The following LINGO2 variants were observed in gnomAD, a reference collection of about 807,000 sequenced individuals.
LINGO2 encodes leucine rich repeat and Ig domain containing 2, also known as leucine-rich repeat and immunoglobulin-like domain-containing nogo receptor-interacting protein 2.
In LINGO2, 14 loss-of-function variants were observed where a neutral mutation model predicts 30.6. The ratio of observed to expected loss-of-function variants is 0.46; its 90% CI spans 0.30 to 0.72. LINGO2 has a LOEUF of 0.72. Ranked by LOEUF, LINGO2 falls within the 30% of genes least tolerant of loss-of-function variation. LINGO2 has a pLI of 0.07. For missense variants in LINGO2, 729 were observed against 751.7 expected, an observed-to-expected ratio of 0.97 and a Z score of 0.35; for synonymous variants, 317 against 288.5, an observed-to-expected ratio of 1.10 and a Z score of -1.00.
At chr9:28,029,495 T>G (rs968949980) in intron 4 of LINGO2, among the ~76,000 whole-genome samples, 5 of 152,154 alleles carry the variant, frequency 3.3e-5, no homozygotes, top group Admixed American at 2.6e-4. Flanking sequence ...CACTTTGATA[T>G]TGAGAGGCAG....
chr9:29,203,817 T>C, the LINGO2 span, among the ~76,000 whole-genome samples: 1 of 152,208 alleles, frequency 6.6e-6, no homozygotes, highest in South Asian at 2.1e-4. Flanking sequence ...TAGCTTCCTA[T>C]TTTGTCAAAC....
At chr9:28,305,631 A>C (rs977484251) in intron 3 of LINGO2, among the ~76,000 whole-genome samples, 3 of 152,094 alleles carry the variant, frequency 2.0e-5, no homozygotes. Context: ...AATTAAATGA[A>C]ATACATGGGG....
the LINGO2 span, among the ~76,000 whole-genome samples, chr9:28,793,278 T>A: frequency 6.6e-6 from 1 of 152,196 alleles, no homozygotes; most frequent in Non-Finnish European, 1.5e-5. Context: ...TGTATTTTAA[T>A]TGAATACAGC....
chr9:28,080,029 G>T (rs1825730438), intron 4 of LINGO2, among the ~76,000 whole-genome samples: 2 of 152,138 alleles, frequency 1.3e-5, no homozygotes, highest in Admixed American at 1.3e-4. Context: ...TACCTCCAAA[G>T]TAACTCTTGA....
chr9:29,204,634 C>G, the LINGO2 span, among the ~76,000 whole-genome samples: 1 of 152,290 alleles, frequency 6.6e-6, no homozygotes, highest in African/African-American at 2.4e-5. Flanking sequence ...TAAAGAACTA[C>G]AACATTTCAC....
At chr9:29,114,197 C>A in the LINGO2 span, among the ~76,000 whole-genome samples, 3 of 151,086 alleles carry the variant, frequency 2.0e-5, no homozygotes, top group African/African-American at 4.9e-5. Context: ...TTAAGCAAAG[C>A]AATATATTTA....
Position 28,197,179 on chromosome 9 carries a change from C to T in LINGO2, c.-87+98029G>A, listed in dbSNP as rs189993548. ...ATCACATGTAGCCCATGAATACATA[C>T]AACTAGTATGTATCCATTATAATTA... On this transcript the variant is annotated intron_variant, in intron 4 of 5. Transcript: ENST00000379992. Among the ~76,000 whole-genome samples, 528 of 151,982 alleles carry T rather than the reference C, an allele frequency of 3.5e-3. 3 individuals are homozygous for T. Among genetic ancestry groups the T allele is most frequent in the African/African-American group, 0.012 (511 of 41,498 alleles).
chr9:28,630,375 T>C (rs1826881534), intron 1 of LINGO2, among the ~76,000 whole-genome samples: 1 of 152,232 alleles, frequency 6.6e-6, no homozygotes, highest in Admixed American at 6.5e-5. Flanking sequence ...TGCTAATTAG[T>C]CCTAACTAAT....
intron 2 of LINGO2, among the ~76,000 whole-genome samples, chr9:28,419,517 T>C (rs1481209834): frequency 6.6e-6 from 1 of 151,862 alleles, no homozygotes; most frequent in African/African-American, 2.4e-5. Flanking sequence ...GTCCATCTTG[T>C]CCTTAAACAT....
chr9:29,195,640 T>A, the LINGO2 span, among the ~76,000 whole-genome samples: 2 of 152,016 alleles, frequency 1.3e-5, no homozygotes, highest in Non-Finnish European at 2.9e-5. Context: ...ATAAGAAAAA[T>A]TTAAAGTCAA....
intron 1 of LINGO2, among the ~76,000 whole-genome samples, chr9:28,655,684 G>C (rs1828305238): frequency 6.6e-6 from 1 of 151,940 alleles, no homozygotes; most frequent in Non-Finnish European, 1.5e-5. Flanking sequence ...TCGTGATAGT[G>C]AGTTAGTTCT....
At chr9:27,955,057 T>G (rs936218137) in intron 5 of LINGO2, among the ~76,000 whole-genome samples, 7 of 152,198 alleles carry the variant, frequency 4.6e-5, no homozygotes, top group African/African-American at 1.7e-4. Context: ...GTATGTCTTT[T>G]GAGAAATGTC....
intron 1 of LINGO2, among the ~76,000 whole-genome samples, chr9:28,593,573 C>G (rs1294208606): frequency 6.6e-6 from 1 of 152,082 alleles, no homozygotes; most frequent in Non-Finnish European, 1.5e-5. Context: ...AAAGGTCTGA[C>G]TATTGCTATT....
chr9:28,010,438 T>TCCATGTAAGATTTTA, intron 5 of LINGO2, among the ~76,000 whole-genome samples: 1 of 152,184 alleles, frequency 6.6e-6, no homozygotes, highest in South Asian at 2.1e-4. Flanking sequence ...CTTGATTGTT[T>TCCATGTAAGATTTTA]TTCAAGCATT....
chr9:28,992,559 A>G, the LINGO2 span, among the ~76,000 whole-genome samples: 2 of 152,160 alleles, frequency 1.3e-5, no homozygotes, highest in Non-Finnish European at 2.9e-5. Context: ...AACAGAATAT[A>G]TATTTTTTTC....
the LINGO2 span, among the ~76,000 whole-genome samples, chr9:28,888,407 C>A: frequency 5.1e-4 from 77 of 152,088 alleles, no homozygotes; most frequent in African/African-American, 1.7e-3. Context: ...TACACATGAA[C>A]ATGAACAGAG....
At chr9:28,578,485 CTTTA>C (rs1278272488) in intron 1 of LINGO2, among the ~76,000 whole-genome samples, 2 of 152,010 alleles carry the variant, frequency 1.3e-5, no homozygotes, top group African/African-American at 4.8e-5. Flanking sequence ...ATAGAAAGTT[CTTTA>C]TTTTATACTG....
chr9:28,190,342 T>C (rs1819777234), intron 4 of LINGO2, among the ~76,000 whole-genome samples: 1 of 152,162 alleles, frequency 6.6e-6, no homozygotes, highest in Non-Finnish European at 1.5e-5. Flanking sequence ...TGCTAAAAAA[T>C]ACTGCATCAA....
At chr9:28,164,558 A>T (rs1229045257) in intron 4 of LINGO2, among the ~76,000 whole-genome samples, 1 of 152,212 alleles carries the variant, frequency 6.6e-6, no homozygotes, top group Non-Finnish European at 1.5e-5. Flanking sequence ...ATCTATGGTC[A>T]AAGATGAAAA....
Sources: allele counts gnomAD v4.1 joint callset (sites outside exome capture counted in the v4.1 genomes callset), GRCh38; gene constraint gnomAD v4.1.1; transcripts MANE v1.5; gene names NCBI Gene and HGNC (gene_info 2026-07-23, HGNC 2026-07-21).